The following SLC19A1 variants were observed in gnomAD, a reference collection of about 807,000 sequenced individuals.
SLC19A1 encodes the protein solute carrier family 19 member 1, also known as reduced folate transporter.
Under a neutral mutation model 35.3 loss-of-function variants are expected in SLC19A1, and 37 were observed. The ratio of observed to expected loss-of-function variants is 1.05; its 90% CI spans 0.81 to 1.38. The LOEUF (loss-of-function observed/expected upper bound fraction) is 1.38, where lower values mean the gene tolerates loss of function less well. Ranked by LOEUF, SLC19A1 falls within the 40% of genes most tolerant of loss-of-function variation. The probability of loss-of-function intolerance (pLI) is 0.00; values close to 1 mark genes in which losing one functional copy is unlikely to be tolerated. For missense variants in SLC19A1, 831 were observed against 826.9 expected, an observed-to-expected ratio of 1.00 and a Z score of -0.06; for synonymous variants, 460 against 398.5, an observed-to-expected ratio of 1.15 and a Z score of -1.84.
intron 1 of SLC19A1, among the ~76,000 whole-genome samples, chr21:45,552,422 GCTGTT>G (rs2078474789): frequency 6.6e-6 from 1 of 152,050 alleles, no homozygotes; most frequent in South Asian, 2.1e-4. Flanking sequence ...GACATCGGTG[GCTGTT>G]GGGTCGGGGG....
At chr21:45,521,922 C>T (rs1233984640) in intron 5 of SLC19A1, among the ~76,000 whole-genome samples, 1 of 152,132 alleles carries the variant, frequency 6.6e-6, no homozygotes, top group African/African-American at 2.4e-5. Context: ...TGAGGAAAAT[C>T]TTCTGAATTT....
At chr21:45,550,674 G>A (rs2078456551) in intron 1 of SLC19A1, among the ~76,000 whole-genome samples, 1 of 152,344 alleles carries the variant, frequency 6.6e-6, no homozygotes, top group East Asian at 1.9e-4. Flanking sequence ...TTTGTTGCAT[G>A]CAGATTTCGT....
intron 3 of SLC19A1, chr21:45,504,505 CCCCCCCG>C: frequency 1.4e-6 from 2 of 1,390,272 alleles, no homozygotes; most frequent in South Asian, 1.2e-5. Flanking sequence ...GCCTGCCCGG[CCCCCCCG>C]GCCCCCCAGG....
chr21:45,505,817 C>T (rs1334435927), intron 3 of SLC19A1: 3 of 1,588,968 alleles, frequency 1.9e-6, no homozygotes, highest in Non-Finnish European at 2.6e-6. Context: ...AGCCCCACAC[C>T]TCTGCATTTG....
intron 1 of SLC19A1, among the ~76,000 whole-genome samples, chr21:45,539,772 G>A (rs1455644009): frequency 1.3e-5 from 2 of 152,178 alleles, no homozygotes; most frequent in Non-Finnish European, 2.9e-5. Flanking sequence ...TGTGACAAAG[G>A]AACATAGGTG....
chr21:45,527,786 G>A (rs2077697532), intron 4 of SLC19A1, among the ~76,000 whole-genome samples: 2 of 151,412 alleles, frequency 1.3e-5, no homozygotes, highest in African/African-American at 4.9e-5. Flanking sequence ...GTGGCAGCCA[G>A]GCAGGGCGGG....
rs766026583 is a variant in SLC19A1, at chr21:45,504,502, C to T, written c.498-5890G>A. 6.9e-5 allele frequency: 98 copies of T among 1,414,412 alleles called. No individual in the cohort carries two copies. The highest frequency in any genetic ancestry group is 2.3e-4 in the African/African-American group (8 of 35,138). The allele number at this position is 1,414,412 out of a possible 1,614,324, so 87.6% of individuals were successfully genotyped here. A position where few individuals can be genotyped will look rare whatever the true frequency, so the allele number is the denominator to read the frequency against. ...GCGGTTTCTTCGGCTCCAGCCTGCC[C>T]GGCCCCCCCGGCCCCCCAGGCCCCC... On this transcript the variant is annotated intron_variant, in intron 3 of 4. Coordinates refer to the SLC19A1 transcript ENST00000417954.
chr21:45,556,226 G>T (rs1015579435), intron 1 of SLC19A1, among the ~76,000 whole-genome samples: 4 of 151,910 alleles, frequency 2.6e-5, no homozygotes, highest in Non-Finnish European at 5.9e-5. Context: ...CCTGCGGCCC[G>T]GGGAGACCTG....
At position 45,530,932 on chromosome 21, in the gene SLC19A1, C is replaced by G; in HGVS notation, c.989G>C (p.Arg330Pro). ...TSFAAGFVKI[R>P]WARWSKLLIA... is the part of the protein sequence containing the mutation. The stretch of plus-strand genomic sequence containing the variant: ...GAGCAGCTTGGACCAGCGCGCCCAG[C>G]GGATCTTCACGAAGCCCGCGGCGAA... The change falls in exon 4 of 6, where the codon CGC (arginine) becomes CCC (proline). Residue 330 changes from arginine to proline, a missense_variant. Physicochemically the swap from Arg to Pro is moderately radical, Grantham distance 103. Coordinates refer to ENST00000311124, the MANE Select transcript of SLC19A1 (RefSeq NM_194255.4). This position sits in a 1 kb window ranked among gnomAD's most constrained non-coding sequence, Gnocchi z 5.3. The G allele has an allele frequency of 7.0e-7, 1 of 1,433,076 alleles. No individual in the cohort carries two copies. Among genetic ancestry groups the G allele is most frequent in the East Asian group, 2.8e-5 (1 of 35,942 alleles). The allele number at this position is 1,433,076 out of a possible 1,614,324, so 88.8% of individuals were successfully genotyped here. A position where few individuals can be genotyped will look rare whatever the true frequency, so the allele number is the denominator to read the frequency against.
downstream of SLC19A1, chr21:45,509,990 G>T (rs889934982): frequency 1.3e-6 from 2 of 1,491,314 alleles, no homozygotes; most frequent in Non-Finnish European, 1.8e-6. Context: ...GTGCGGGGCC[G>T]GGGTGGTGCG....
At chr21:45,559,035 T>C (rs1048825998) in intron 1 of SLC19A1, among the ~76,000 whole-genome samples, 2 of 151,964 alleles carry the variant, frequency 1.3e-5, no homozygotes, top group Non-Finnish European at 2.9e-5. Flanking sequence ...TCTCGATCTC[T>C]TGACCTCGTG....
In SLC19A1 at chr21:45,562,336, G is replaced by A. The variant is rs554009822; in HGVS notation, c.-50+406C>T. 2.6e-5 allele frequency among the ~76,000 whole-genome samples: 4 copies of A among 152,194 alleles called. No homozygotes were observed. The South Asian group carries it at 8.3e-4, about 32-fold the overall frequency. ...CATTCACCACATCGGCATCGTAAAG[G>A]GAAGCCCCAGTGACTACGGAACATT... On this transcript the variant is annotated intron_variant, in intron 1 of 5. Transcript: ENST00000650808.
chr21:45,504,138 C>A, intron 3 of SLC19A1: 2 of 1,476,618 alleles, frequency 1.4e-6, no homozygotes, highest in African/African-American at 1.4e-5. Flanking sequence ...TCGCCCCATC[C>A]GGCCCAAGCC....
chr21:45,510,206 T>C (rs1206824802), downstream of SLC19A1: 4 of 1,604,128 alleles, frequency 2.5e-6, no homozygotes, highest in Non-Finnish European at 3.4e-6. Flanking sequence ...CTGCAGGACC[T>C]GTACAGCATC....
At chr21:45,509,368 G>C, downstream of SLC19A1, 3 of 1,545,348 alleles carry the variant, frequency 1.9e-6, no homozygotes, top group Non-Finnish European at 2.6e-6. Flanking sequence ...CAATGAAGTG[G>C]CCGCCTTGCA....
intron 5 of SLC19A1, among the ~76,000 whole-genome samples, chr21:45,519,099 T>C (rs2077361695): frequency 8.4e-6 from 1 of 118,890 alleles, no homozygotes; most frequent in Non-Finnish European, 1.7e-5. Flanking sequence ...AAGCGGGAGA[T>C]GACAGTGACA....
downstream of SLC19A1, among the ~76,000 whole-genome samples, chr21:45,508,897 G>C (rs145547815): frequency 6.6e-6 from 1 of 152,142 alleles, no homozygotes; most frequent in East Asian, 1.9e-4. Flanking sequence ...GCTGAGGGCC[G>C]TGGGGAAAGG....
intron 5 of SLC19A1, among the ~76,000 whole-genome samples, chr21:45,521,430 C>A (rs191469659): frequency 2.0e-5 from 3 of 152,272 alleles, no homozygotes; most frequent in East Asian, 1.9e-4. Flanking sequence ...ACAGTAAACA[C>A]GTCAATTCTC....
rs2037897895 is a variant in SLC19A1 at position 45,515,868 on chromosome 21, G to A, written c.1566C>T (p.Asp522=). The change falls in exon 6 of 6, where the codon GAC becomes GAT. Residue 522 remains aspartate, a synonymous_variant. Coordinates refer to ENST00000311124, the MANE Select transcript of SLC19A1 (RefSeq NM_194255.4). ...GGGCCGGGGCCTGGGCCAGGTATGG[G>A]TCGCTCTGTCTCTGCTCCAGGGAGG... is the stretch of plus-strand genomic sequence containing the variant. ...GPASLEQRQS[D]PYLAQAPAPQ... The A allele has an allele frequency of 6.3e-7, 1 of 1,583,632 alleles. No individual in the cohort carries two copies. The highest frequency in any genetic ancestry group is 1.1e-5 in the South Asian group (1 of 87,166).
Sources: gnomAD v4.1 joint callset for allele counts (sites outside exome capture counted in the v4.1 genomes callset) on GRCh38, gnomAD v4.1.1 for gene constraint, Gnocchi (gnomAD v3.1) non-coding constraint, MANE v1.5 for transcripts, NCBI Gene and HGNC (gene_info 2026-07-23, HGNC 2026-07-21) for gene names.